RHBDL3: variants seen among roughly 807,000 people sequenced by gnomAD.
The protein encoded by RHBDL3 is rhomboid-related protein 3.
A neutral mutation model predicts 48.2 loss-of-function variants in RHBDL3; 28 were observed. The ratio of observed to expected loss-of-function variants is 0.58; its 90% CI spans 0.43 to 0.80. The LOEUF (loss-of-function observed/expected upper bound fraction) is 0.80. RHBDL3 is among the 30% of genes least tolerant of loss of function. The pLI, the probability that RHBDL3 is intolerant of heterozygous loss-of-function variation, is 0.00. For synonymous variants in RHBDL3, 208 were observed against 232.3 expected (o/e 0.90, Z 0.95); for missense variants, 464 against 542.7 (o/e 0.85, Z 1.44).
At chr17:32,298,064 ATGAG>A (rs2040495073) in intron 5 of RHBDL3, 24 bp from the exon 6 acceptor site, 2 of 1,418,420 alleles carry the variant, frequency 1.4e-6, no homozygotes, top group Non-Finnish European at 2.0e-6. Context: ...GAATAGATGA[ATGAG>A]TGAGTGTGGT....
chr17:32,292,987 CA>C (rs919261957), intron 4 of RHBDL3, among the ~76,000 whole-genome samples: 8 of 150,754 alleles, frequency 5.3e-5, no homozygotes, highest in East Asian at 1.9e-4. Flanking sequence ...GATCCTGTCT[CA>C]AAAAAAAGGG....
chr17:32,291,552 G>A (rs751881680), intron 4 of RHBDL3, among the ~76,000 whole-genome samples: 57 of 150,838 alleles, frequency 3.8e-4, no homozygotes, highest in Non-Finnish European at 6.9e-4. Flanking sequence ...ATCATGGTGG[G>A]TGCCTGTAAT....
At chr17:32,301,032 A>C (rs1175945480) in intron 6 of RHBDL3, among the ~76,000 whole-genome samples, 1 of 152,074 alleles carries the variant, frequency 6.6e-6, no homozygotes, top group Non-Finnish European at 1.5e-5. Context: ...GGTGCCCACC[A>C]CCGCGCCCGG....
intron 2 of RHBDL3, among the ~76,000 whole-genome samples, chr17:32,281,342 A>AC (rs1345019949): frequency 3.3e-5 from 5 of 149,406 alleles, no homozygotes; most frequent in Non-Finnish European, 7.4e-5. Context: ...CTGCACCCCC[A>AC]CCCCACGGCC....
chr17:32,320,589 GC>G (rs2041102660), intron 8 of RHBDL3, among the ~76,000 whole-genome samples: 1 of 152,168 alleles, frequency 6.6e-6, no homozygotes, highest in Non-Finnish European at 1.5e-5. Context: ...CTCCCAAAGT[GC>G]TGAGATTACA....
At chr17:32,280,121 T>C (rs1382907162) in intron 2 of RHBDL3, among the ~76,000 whole-genome samples, 1 of 152,206 alleles carries the variant, frequency 6.6e-6, no homozygotes, top group Non-Finnish European at 1.5e-5. Flanking sequence ...GAATGTGGAC[T>C]TGGCCGCCCC....
intron 6 of RHBDL3, among the ~76,000 whole-genome samples, chr17:32,298,784 C>T (rs994459019): frequency 6.6e-6 from 1 of 152,228 alleles, no homozygotes; most frequent in Admixed American, 6.5e-5. Flanking sequence ...GGAGTCTGAC[C>T]TAAGAGGCAG....
chr17:32,312,243 C>T (rs927742302), intron 7 of RHBDL3, among the ~76,000 whole-genome samples: 1 of 152,076 alleles, frequency 6.6e-6, no homozygotes, highest in Non-Finnish European at 1.5e-5. Flanking sequence ...CTGAACCAGC[C>T]TGGGCAACAT....
At chr17:32,313,495 C>A (rs2150751908) in intron 7 of RHBDL3, among the ~76,000 whole-genome samples, 1 of 152,296 alleles carries the variant, frequency 6.6e-6, no homozygotes, top group Middle Eastern at 3.4e-3. Context: ...ATTGTACAAT[C>A]ATCGCCATCT....
chr17:32,319,853 C>T (rs970987758), intron 8 of RHBDL3, among the ~76,000 whole-genome samples: 9 of 152,100 alleles, frequency 5.9e-5, no homozygotes, highest in Non-Finnish European at 8.8e-5. Flanking sequence ...GAATATCTAC[C>T]CTCAGTGTTC....
At chr17:32,267,370 GAACA>G (rs113628658) in intron 1 of RHBDL3, among the ~76,000 whole-genome samples, 30,283 of 147,566 alleles carry the variant, frequency 0.21, 3,650 homozygotes, top group African/African-American at 0.33. Context: ...AACAAAAAAC[GAACA>G]AACAAACAAA....
chr17:32,280,380 C>T (rs937358881), intron 2 of RHBDL3: 1 of 152,344 alleles, frequency 6.6e-6, no homozygotes, highest in African/African-American at 2.4e-5. Context: ...GGACCAGTGG[C>T]ACGGTATTAA....
chr17:32,268,895 A>G (rs562544574), intron 2 of RHBDL3, among the ~76,000 whole-genome samples: 7 of 152,252 alleles, frequency 4.6e-5, no homozygotes, highest in South Asian at 4.1e-4. Flanking sequence ...GGATGAGGGA[A>G]GCTAGGCAGG....
At chr17:32,281,759 C>A (rs907413538) in intron 2 of RHBDL3, among the ~76,000 whole-genome samples, 1 of 152,182 alleles carries the variant, frequency 6.6e-6, no homozygotes, top group African/African-American at 2.4e-5. Context: ...GGGGCTGTTT[C>A]CTGATTTAAA....
intron 4 of RHBDL3, among the ~76,000 whole-genome samples, chr17:32,291,107 C>T (rs916411422): frequency 1.3e-5 from 2 of 150,618 alleles, no homozygotes; most frequent in Admixed American, 6.6e-5. Flanking sequence ...CCGAGGTGGG[C>T]GGATCACTTG....
intron 8 of RHBDL3, 47 bp from the exon 9 acceptor site, chr17:32,320,911 C>A: frequency 7.0e-7 from 1 of 1,435,848 alleles, no homozygotes; most frequent in Non-Finnish European, 9.7e-7. Flanking sequence ...CCCTCAGCCC[C>A]TGCTCAGGGC....
intron 7 of RHBDL3, among the ~76,000 whole-genome samples, chr17:32,312,948 T>C (rs865829877): frequency 6.6e-6 from 1 of 152,262 alleles, no homozygotes. Context: ...TAGCTGGCAC[T>C]ACAAGTGCAC....
rs566046074 is a variant in RHBDL3, at chr17:32,321,563, C to T, written c.*334C>T. On this transcript the variant is annotated 3_prime_UTR_variant, in exon 9 of 9. Transcript: ENST00000269051. Reference sequence around the variant, plus strand: ...GCCAGGGGGTGCCCCCTCACTGCTGCGGATTGAGCAGCAGCTTCTTCCTCC... The same window carrying T: ...GCCAGGGGGTGCCCCCTCACTGCTGTGGATTGAGCAGCAGCTTCTTCCTCC... The T allele has an allele frequency of 2.2e-5, 10 of 461,662 alleles. No homozygotes were observed. Among genetic ancestry groups the T allele is most frequent in the Admixed American group, 1.0e-4 (3 of 29,392 alleles). The allele number at this position is 461,662 out of a possible 1,614,324, so 28.6% of individuals were successfully genotyped here.
At chr17:32,293,193 T>A (rs1323176296) in intron 4 of RHBDL3, among the ~76,000 whole-genome samples, 4 of 151,964 alleles carry the variant, frequency 2.6e-5, no homozygotes, top group African/African-American at 9.7e-5. Flanking sequence ...GCGTCATTGT[T>A]CAGTGGGTAC....
Sources: allele counts gnomAD v4.1 joint callset (sites outside exome capture counted in the v4.1 genomes callset), GRCh38; gene constraint gnomAD v4.1.1; transcripts MANE v1.5; gene names NCBI Gene and HGNC (gene_info 2026-07-23, HGNC 2026-07-21).